The following ZNF385B variants were observed in gnomAD, a reference collection of about 807,000 sequenced individuals.
The protein encoded by ZNF385B is zinc finger protein 533.
ZNF385B carries 23 observed loss-of-function variants against 39.2 expected under a neutral mutation model. The ratio of observed to expected loss-of-function variants is 0.59; its 90% CI spans 0.42 to 0.83. ZNF385B has a LOEUF of 0.83. Among genes scored for constraint, ZNF385B ranks in the 40% least tolerant of loss-of-function variants. The pLI, the probability that ZNF385B is intolerant of heterozygous loss-of-function variation, is 0.00. For missense variants in ZNF385B, 552 were observed against 598.9 expected, an observed-to-expected ratio of 0.92 and a Z score of 0.82; for synonymous variants, 205 against 222.6, an observed-to-expected ratio of 0.92 and a Z score of 0.70.
chr2:179,655,979 C>T (rs1693717530), intron 3 of ZNF385B, among the ~76,000 whole-genome samples: 1 of 152,042 alleles, frequency 6.6e-6, no homozygotes. Context: ...TTATATTAGT[C>T]TAGATATGTT....
intron 3 of ZNF385B, among the ~76,000 whole-genome samples, chr2:179,753,742 T>C (rs1024318215): frequency 1.3e-5 from 2 of 152,098 alleles, no homozygotes; most frequent in Admixed American, 6.5e-5. Flanking sequence ...CTGTCTGTTA[T>C]TGGTGTATAA....
chr2:179,834,181 T>C (rs1219470782), intron 1 of ZNF385B, among the ~76,000 whole-genome samples: 1 of 152,138 alleles, frequency 6.6e-6, no homozygotes. Flanking sequence ...AAAGCAATGA[T>C]ACCCCCATCC....
At chr2:179,558,737 T>C (rs1026440507) in intron 3 of ZNF385B, among the ~76,000 whole-genome samples, 1 of 152,112 alleles carries the variant, frequency 6.6e-6, no homozygotes, top group African/African-American at 2.4e-5. Context: ...AAAATTCTAG[T>C]AAAGTATGAT....
intron 3 of ZNF385B, among the ~76,000 whole-genome samples, chr2:179,677,259 ACAGGAAGT>A (rs1403690829): frequency 6.6e-6 from 1 of 152,198 alleles, no homozygotes; most frequent in East Asian, 1.9e-4. Context: ...ATCATGAAGC[ACAGGAAGT>A]CTAAAACCAT....
chr2:179,443,416 A>G lies in ZNF385B; in HGVS notation c.1295T>C (p.Leu432Pro). Reference sequence around the variant, plus strand: ...TGCCGCCGCTGCGAGAGGTGAGGACAGGAAGGCTGGGGCCAAAGGCTTCAT... The same window carrying G: ...TGCCGCCGCTGCGAGAGGTGAGGACGGGAAGGCTGGGGCCAAAGGCTTCAT... ...DMMKPLAPAF[L>P]SSPLAAAAAV... Residue 432 changes from leucine to proline, a missense_variant, in exon 10 of 10, where the codon CTG (leucine) becomes CCG (proline). Leu to Pro is a moderately conservative substitution (Grantham distance 98, BLOSUM62 -3). Coordinates refer to ENST00000410066, the MANE Select transcript of ZNF385B (RefSeq NM_152520.6). 3 of 1,611,702 alleles carry G rather than the reference A, an allele frequency of 1.9e-6. No individual in the cohort carries two copies. Among genetic ancestry groups the G allele is most frequent in the Non-Finnish European group, 2.5e-6 (3 of 1,179,070 alleles).
At position 179,836,580 on chromosome 2, in the gene ZNF385B, G is replaced by A. The variant is rs1021304011; in HGVS notation, c.-155+24521C>T. Among the ~76,000 whole-genome samples, 10 of 144,082 alleles carry A rather than the reference G, an allele frequency of 6.9e-5. No individual in the cohort carries two copies. The South Asian group carries it at 1.3e-3, about 19-fold the overall frequency. 94.5% of individuals were successfully genotyped at this position (144,082 alleles called of 152,430 possible). On this transcript the variant is annotated intron_variant, in intron 1 of 9. Coordinates refer to ENST00000410066, the MANE Select transcript of ZNF385B (RefSeq NM_152520.6). ...AGGCCAGACTGCGGACTGCAGTGGC[G>A]CAATCTCGGCTCACTGCAAGCTCCG...
chr2:179,794,810 C>T (rs959565646), intron 1 of ZNF385B, among the ~76,000 whole-genome samples: 6 of 152,072 alleles, frequency 3.9e-5, no homozygotes, highest in Admixed American at 2.0e-4. Context: ...ATGGGGACAC[C>T]GCTGAGCAGG....
intron 6 of ZNF385B, among the ~76,000 whole-genome samples, chr2:179,458,761 T>C (rs144616012): frequency 1.1e-4 from 17 of 152,168 alleles, no homozygotes; most frequent in African/African-American, 4.1e-4. Context: ...TAACAAACCT[T>C]ACCCTTGTTT....
chr2:179,674,341 T>C (rs1696456823), intron 3 of ZNF385B, among the ~76,000 whole-genome samples: 1 of 152,208 alleles, frequency 6.6e-6, no homozygotes, highest in Non-Finnish European at 1.5e-5. Context: ...GTATTTTTCT[T>C]GACTGTAGTA....
intron 3 of ZNF385B, among the ~76,000 whole-genome samples, chr2:179,550,609 A>G (rs1280936114): frequency 1.3e-5 from 2 of 149,788 alleles, no homozygotes; most frequent in South Asian, 4.3e-4. Flanking sequence ...AATAAATATA[A>G]ACTATACTTT....
At chr2:179,670,411 T>C (rs1695805354) in intron 3 of ZNF385B, among the ~76,000 whole-genome samples, 1 of 151,984 alleles carries the variant, frequency 6.6e-6, no homozygotes, top group Non-Finnish European at 1.5e-5. Flanking sequence ...TGCTACTCTC[T>C]AGTACTTCCA....
intron 1 of ZNF385B, among the ~76,000 whole-genome samples, chr2:179,841,135 C>A (rs1299834601): frequency 6.6e-6 from 1 of 152,164 alleles, no homozygotes; most frequent in South Asian, 2.1e-4. Context: ...GGGATCACAT[C>A]GTACAAGGCA....
intron 3 of ZNF385B, among the ~76,000 whole-genome samples, chr2:179,609,664 T>A (rs1446912342): frequency 6.6e-6 from 1 of 152,196 alleles, no homozygotes; most frequent in Non-Finnish European, 1.5e-5. Context: ...CTATCCTCCA[T>A]AGTAGCTGTA....
chr2:179,679,601 ATTGTTGTTG>A (rs71401757), intron 3 of ZNF385B, among the ~76,000 whole-genome samples: 13,904 of 150,276 alleles, frequency 0.093, 713 homozygotes, highest in Middle Eastern at 0.15. Context: ...AACAGCTATT[ATTGTTGTTG>A]TTGTTGTTGT....
At chr2:179,656,785 C>T (rs1486088025) in intron 3 of ZNF385B, among the ~76,000 whole-genome samples, 1 of 152,038 alleles carries the variant, frequency 6.6e-6, no homozygotes, top group African/African-American at 2.4e-5. Flanking sequence ...TATATCTGTG[C>T]TCATACATAA....
At chr2:179,727,990 G>A (rs1701128600) in intron 3 of ZNF385B, among the ~76,000 whole-genome samples, 1 of 152,002 alleles carries the variant, frequency 6.6e-6, no homozygotes, top group South Asian at 2.1e-4. Context: ...ACTTCAAGAT[G>A]TTTCTGTAGA....
At chr2:179,751,168 C>T (rs1272637388) in intron 3 of ZNF385B, among the ~76,000 whole-genome samples, 1 of 150,548 alleles carries the variant, frequency 6.6e-6, no homozygotes, top group African/African-American at 2.5e-5. Flanking sequence ...CCTCCCCACC[C>T]CCTGCCATGT....
intron 3 of ZNF385B, among the ~76,000 whole-genome samples, chr2:179,618,380 A>G (rs1298768659): frequency 6.6e-6 from 1 of 152,078 alleles, no homozygotes; most frequent in Non-Finnish European, 1.5e-5. Flanking sequence ...CCAGCCTTAA[A>G]TGTCACTCTT....
intron 3 of ZNF385B, among the ~76,000 whole-genome samples, chr2:179,607,747 T>C (rs567535527): frequency 6.6e-6 from 1 of 152,154 alleles, no homozygotes; most frequent in Admixed American, 6.5e-5. Flanking sequence ...TAATATAACA[T>C]TCACAATTTT....
Sources: gnomAD v4.1 joint callset for allele counts (sites outside exome capture counted in the v4.1 genomes callset) on GRCh38, gnomAD v4.1.1 for gene constraint, MANE v1.5 for transcripts, NCBI Gene and HGNC (gene_info 2026-07-23, HGNC 2026-07-21) for gene names.